The following EAF2 variants were observed in gnomAD, a reference collection of about 807,000 sequenced individuals.
EAF2 encodes the protein ELL associated factor 2.
EAF2 carries 29 observed loss-of-function variants against 29.4 expected under a neutral mutation model. The observed-to-expected ratio is 0.99, with a 90% CI of 0.73 to 1.35. The LOEUF (loss-of-function observed/expected upper bound fraction) is 1.35. Ranked by LOEUF, EAF2 falls within the 40% of genes most tolerant of loss-of-function variation. The probability of loss-of-function intolerance (pLI) is 0.00; values close to 1 mark genes in which losing one functional copy is unlikely to be tolerated. For missense variants in EAF2, 292 were observed against 312.0 expected (o/e 0.94, Z 0.48); for synonymous variants, 103 against 102.5 (o/e 1.00, Z -0.03).
intron 5 of EAF2, among the ~76,000 whole-genome samples, chr3:121,874,618 G>A (rs1709066673): frequency 2.6e-5 from 4 of 151,800 alleles, no homozygotes; most frequent in Admixed American, 2.0e-4. Context: ...TGAAAGTAGA[G>A]GTCACATTGC....
intron 5 of EAF2, among the ~76,000 whole-genome samples, chr3:121,883,962 G>A (rs192306237): frequency 6.2e-4 from 95 of 152,220 alleles, no homozygotes; most frequent in Non-Finnish European, 1.1e-3. Context: ...GGTTTGTGTC[G>A]CTTGAAAAAC....
At chr3:121,863,327 C>G (rs1708866318) in intron 4 of EAF2, among the ~76,000 whole-genome samples, 1 of 152,172 alleles carries the variant, frequency 6.6e-6, no homozygotes, top group Non-Finnish European at 1.5e-5. Context: ...CCTCCTTGAG[C>G]TGCGGTGGGC....
intron 4 of EAF2, among the ~76,000 whole-genome samples, chr3:121,861,583 C>G (rs1386236513): frequency 6.6e-6 from 1 of 152,032 alleles, no homozygotes; most frequent in African/African-American, 2.4e-5. Context: ...TGAGATGTGT[C>G]TCCTGAATAC....
At chr3:121,849,423 T>C (rs1325514086) in intron 2 of EAF2, among the ~76,000 whole-genome samples, 3 of 152,228 alleles carry the variant, frequency 2.0e-5, no homozygotes, top group African/African-American at 7.2e-5. Context: ...CTACAAAATT[T>C]CAAAGTGTCG....
intron 5 of EAF2, among the ~76,000 whole-genome samples, chr3:121,873,766 G>T (rs1398080260): frequency 6.6e-6 from 1 of 151,536 alleles, no homozygotes; most frequent in Non-Finnish European, 1.5e-5. Flanking sequence ...CCTTATACAT[G>T]CTGTCCATTC....
chr3:121,843,718 C>G (rs1708472457), intron 1 of EAF2, among the ~76,000 whole-genome samples: 1 of 151,878 alleles, frequency 6.6e-6, no homozygotes, highest in South Asian at 2.1e-4. Context: ...CCTGAATTTC[C>G]TCCTAGATGA....
chr3:121,838,020 G>A (rs1456782805), intron 1 of EAF2, among the ~76,000 whole-genome samples: 1 of 152,144 alleles, frequency 6.6e-6, no homozygotes, highest in Non-Finnish European at 1.5e-5. Flanking sequence ...AGCAGTGTGG[G>A]TTTTGGAGTT....
intron 4 of EAF2, among the ~76,000 whole-genome samples, chr3:121,860,178 G>A (rs937053698): frequency 1.3e-5 from 2 of 152,150 alleles, no homozygotes; most frequent in Non-Finnish European, 2.9e-5. Context: ...GATGATGCTG[G>A]CCTCATCAAA....
chr3:121,860,423 T>A (rs1366072772), intron 4 of EAF2, among the ~76,000 whole-genome samples: 2 of 152,216 alleles, frequency 1.3e-5, no homozygotes, highest in East Asian at 3.8e-4. Flanking sequence ...CAGGAATTTA[T>A]CCATTTCTTC....
chr3:121,880,049 AT>A (rs1238178225), intron 5 of EAF2, among the ~76,000 whole-genome samples: 1 of 151,944 alleles, frequency 6.6e-6, no homozygotes, highest in Non-Finnish European at 1.5e-5. Context: ...GACCACTTCC[AT>A]TTCTTTAATC....
chr3:121,865,738 G>A (rs1708913886), intron 4 of EAF2, among the ~76,000 whole-genome samples: 1 of 152,136 alleles, frequency 6.6e-6, no homozygotes, highest in Non-Finnish European at 1.5e-5. Flanking sequence ...ACAACTCACA[G>A]CTGGGAGTAC....
intron 2 of EAF2, among the ~76,000 whole-genome samples, chr3:121,853,363 G>A (rs1321709779): frequency 1.3e-5 from 2 of 152,104 alleles, no homozygotes; most frequent in Non-Finnish European, 1.5e-5. Context: ...TTTGAATATT[G>A]TATTTCTTGT....
At chr3:121,875,728 A>G (rs893352547) in intron 5 of EAF2, among the ~76,000 whole-genome samples, 1 of 152,022 alleles carries the variant, frequency 6.6e-6, no homozygotes. Context: ...AAAGAATGAT[A>G]AAACAATGCC....
At chr3:121,851,021 AAAGTT>A (rs1298098287) in intron 2 of EAF2, among the ~76,000 whole-genome samples, 9 of 152,054 alleles carry the variant, frequency 5.9e-5, no homozygotes, top group South Asian at 2.1e-4. Context: ...TTATCCATTT[AAAGTT>A]AAGTATATAT....
At chr3:121,885,899 G>A (rs1440375478) in intron 5 of EAF2, among the ~76,000 whole-genome samples, 1 of 151,920 alleles carries the variant, frequency 6.6e-6, no homozygotes, top group Non-Finnish European at 1.5e-5. Flanking sequence ...ATGACTGTAA[G>A]TACATAGATG....
chr3:121,876,775 A>G (rs558261682), intron 5 of EAF2, among the ~76,000 whole-genome samples: 39 of 152,076 alleles, frequency 2.6e-4, no homozygotes, highest in African/African-American at 8.9e-4. Context: ...CAGTGGGAAA[A>G]CCAGGGAACA....
intron 2 of EAF2, among the ~76,000 whole-genome samples, chr3:121,850,309 T>A (rs1292420155): frequency 2.0e-5 from 3 of 152,014 alleles, no homozygotes; most frequent in Non-Finnish European, 4.4e-5. Flanking sequence ...ACCAACCATT[T>A]CTTTTTTTCC....
intron 2 of EAF2, among the ~76,000 whole-genome samples, chr3:121,845,304 A>C (rs1708507103): frequency 6.6e-6 from 1 of 151,784 alleles, no homozygotes; most frequent in Admixed American, 6.6e-5. Flanking sequence ...CAGTCGTGGT[A>C]GTGGGCACCT....
intron 2 of EAF2, among the ~76,000 whole-genome samples, chr3:121,851,351 G>GTT (rs34826349): frequency 0.055 from 8,117 of 148,616 alleles, 335 homozygotes; most frequent in Admixed American, 0.12. Flanking sequence ...CTAATTTTTA[G>GTT]TTTTTTTTTT....
Sources: gnomAD v4.1 joint callset for allele counts (sites outside exome capture counted in the v4.1 genomes callset) on GRCh38, gnomAD v4.1.1 for gene constraint, MANE v1.5 for transcripts, NCBI Gene and HGNC (gene_info 2026-07-23, HGNC 2026-07-21) for gene names.